ACBD6: variants seen among roughly 807,000 people sequenced by gnomAD.
ACBD6 encodes the protein acyl-CoA binding domain containing 6.
Under a neutral mutation model 37.2 loss-of-function variants are expected in ACBD6, and 28 were observed. The observed-to-expected ratio is 0.75, with a 90% confidence interval of 0.56 to 1.03. The LOEUF is 1.03. Ranked by LOEUF, ACBD6 falls within the 50% of genes least tolerant of loss-of-function variation. The pLI is 0.00. For missense variants in ACBD6, 340 were observed against 337.4 expected, an observed-to-expected ratio of 1.01 and a Z score of -0.06; for synonymous variants, 113 against 126.8, an observed-to-expected ratio of 0.89 and a Z score of 0.73.
At chr1:180,274,256 C>G (rs959958317) in intron 10 of ACBD6, 3 of 1,614,106 alleles carry the variant, frequency 1.9e-6, no homozygotes, top group African/African-American at 1.3e-5. Context: ...TACAGGCGGA[C>G]AGTTAATGAA....
intron 6 of ACBD6, among the ~76,000 whole-genome samples, chr1:180,385,808 C>T (rs1414503386): frequency 1.3e-5 from 2 of 152,120 alleles, no homozygotes. Context: ...GTTGTTTATG[C>T]TATTCAGTCT....
At chr1:180,454,552 G>A (rs1649841150) in intron 3 of ACBD6, among the ~76,000 whole-genome samples, 1 of 152,148 alleles carries the variant, frequency 6.6e-6, no homozygotes, top group Non-Finnish European at 1.5e-5. Flanking sequence ...AAGAGCTTCT[G>A]CACAGCAAAA....
intron 7 of ACBD6, among the ~76,000 whole-genome samples, chr1:180,289,598 C>T (rs1169155318): frequency 6.6e-6 from 1 of 152,210 alleles, no homozygotes; most frequent in Admixed American, 6.5e-5. Context: ...TAGTTATATA[C>T]TTTTGCATAT....
At chr1:180,346,391 T>C (rs1217969162) in intron 6 of ACBD6, among the ~76,000 whole-genome samples, 1 of 152,198 alleles carries the variant, frequency 6.6e-6, no homozygotes, top group Non-Finnish European at 1.5e-5. Flanking sequence ...TAAGCCCCAA[T>C]GACCCAGGCC....
At chr1:180,293,631 G>A (rs1649802999) in intron 7 of ACBD6, among the ~76,000 whole-genome samples, 1 of 152,096 alleles carries the variant, frequency 6.6e-6, no homozygotes, top group African/African-American at 2.4e-5. Flanking sequence ...ATACTCAGTA[G>A]AATTCACCAG....
At chr1:180,299,820 A>T (rs1650063314) in intron 7 of ACBD6, among the ~76,000 whole-genome samples, 1 of 152,056 alleles carries the variant, frequency 6.6e-6, no homozygotes, top group Non-Finnish European at 1.5e-5. Context: ...TATAAGTAAG[A>T]CCATACTTAT....
At chr1:180,493,814 C>T (rs1395760616) in intron 2 of ACBD6, among the ~76,000 whole-genome samples, 1 of 152,180 alleles carries the variant, frequency 6.6e-6, no homozygotes, top group Non-Finnish European at 1.5e-5. Flanking sequence ...TTTTTGTCTT[C>T]CACATTGTTG....
At chr1:180,271,699 G>T in exon 14 of ACBD6, 2 of 1,285,312 alleles carry the variant, frequency 1.6e-6, no homozygotes, top group South Asian at 2.4e-5. Context: ...GGGAGAGGGG[G>T]TGGGGCGCAT....
At chr1:180,304,054 CA>C (rs1650246476) in intron 7 of ACBD6, among the ~76,000 whole-genome samples, 1 of 150,826 alleles carries the variant, frequency 6.6e-6, no homozygotes, top group Non-Finnish European at 1.5e-5. Context: ...CAAAATTCAA[CA>C]ACGCTTCATG....
intron 6 of ACBD6, among the ~76,000 whole-genome samples, chr1:180,335,642 A>G (rs1651681920): frequency 6.6e-6 from 1 of 151,424 alleles, no homozygotes. Flanking sequence ...TAATGACAGG[A>G]TCAAATTCAC....
intron 6 of ACBD6, among the ~76,000 whole-genome samples, chr1:180,361,626 T>C (rs1447857514): frequency 3.9e-5 from 6 of 152,304 alleles, no homozygotes; most frequent in Admixed American, 3.9e-4. Context: ...AGATTAGGCA[T>C]TCAATGGCCT....
At chr1:180,302,499 T>C (rs1193532744) in intron 7 of ACBD6, among the ~76,000 whole-genome samples, 4 of 152,200 alleles carry the variant, frequency 2.6e-5, no homozygotes, top group Non-Finnish European at 5.9e-5. Flanking sequence ...TTGATCTTTG[T>C]TGGTTTAAAG....
downstream of ACBD6, among the ~76,000 whole-genome samples, chr1:180,286,484 T>C (rs1490096814): frequency 6.6e-6 from 1 of 152,186 alleles, no homozygotes; most frequent in Non-Finnish European, 1.5e-5. Flanking sequence ...TCTTAAAAAA[T>C]GCACAAAGTA....
chr1:180,344,800 C>T (rs1047170883), intron 6 of ACBD6, among the ~76,000 whole-genome samples: 1 of 151,988 alleles, frequency 6.6e-6, no homozygotes, highest in Admixed American at 6.6e-5. Flanking sequence ...AACTCTGCTA[C>T]TAGAAAAGAG....
intron 6 of ACBD6, among the ~76,000 whole-genome samples, chr1:180,337,506 A>T (rs1017708181): frequency 2.0e-5 from 3 of 152,322 alleles, no homozygotes; most frequent in African/African-American, 7.2e-5. Context: ...ATGTATCTCA[A>T]AATAATAAGA....
intron 7 of ACBD6, among the ~76,000 whole-genome samples, chr1:180,305,459 C>T (rs917697362): frequency 1.3e-5 from 2 of 152,172 alleles, no homozygotes; most frequent in East Asian, 3.8e-4. Flanking sequence ...ATAGACACTT[C>T]TCAAAAGAAG....
chr1:180,439,788 T>C (rs1291704966), intron 3 of ACBD6, among the ~76,000 whole-genome samples: 2 of 152,242 alleles, frequency 1.3e-5, no homozygotes, highest in African/African-American at 4.8e-5. Context: ...CAATCTCTGA[T>C]GGATCTAGAA....
chr1:180,287,578 C>CTTTTT (rs72179174), downstream of ACBD6, among the ~76,000 whole-genome samples: 1 of 71,586 alleles, frequency 1.4e-5, no homozygotes, highest in Non-Finnish European at 2.8e-5. Flanking sequence ...CAGATCTAAG[C>CTTTTT]TTTTTTTTTT....
chr1:180,358,644 A>G (rs1652725368), intron 6 of ACBD6, among the ~76,000 whole-genome samples: 1 of 152,130 alleles, frequency 6.6e-6, no homozygotes, highest in Non-Finnish European at 1.5e-5. Context: ...ATTTTGTCTG[A>G]TTATGGAAAC....
Sources: gnomAD v4.1 joint callset for allele counts (sites outside exome capture counted in the v4.1 genomes callset) on GRCh38, gnomAD v4.1.1 for gene constraint, MANE v1.5 for transcripts, NCBI Gene and HGNC (gene_info 2026-07-23, HGNC 2026-07-21) for gene names.